Variants in FRMD4B observed in about 807,000 individuals in gnomAD.
The protein encoded by FRMD4B is FERM domain containing 4B.
In FRMD4B, 74 loss-of-function variants were observed where a neutral mutation model predicts 141.5. That is an observed-to-expected ratio of 0.52 (90% CI 0.43 to 0.63). The LOEUF (loss-of-function observed/expected upper bound fraction) is 0.63, where lower values mean the gene tolerates loss of function less well. Ranked by LOEUF, FRMD4B falls within the 30% of genes least tolerant of loss-of-function variation. The probability of loss-of-function intolerance (pLI) is 0.00; values close to 1 mark genes in which losing one functional copy is unlikely to be tolerated. For synonymous variants in FRMD4B, 506 were observed against 467.9 expected (o/e 1.08, Z -1.05); for missense variants, 1,366 against 1,253.4 (o/e 1.09, Z -1.36).
intron 5 of FRMD4B, among the ~76,000 whole-genome samples, chr3:69,287,375 G>A (rs920696645): frequency 6.6e-6 from 1 of 152,206 alleles, no homozygotes; most frequent in Non-Finnish European, 1.5e-5. Flanking sequence ...AAATAATAAG[G>A]CTGGTTTTGA....
intron 3 of FRMD4B, 136 bp from the exon 4 acceptor site, chr3:69,302,571 A>T: frequency 1.6e-6 from 1 of 625,050 alleles, no homozygotes; most frequent in Non-Finnish European, 2.9e-6. Context: ...ACAACTGGTA[A>T]TGAGACCAAC....
At chr3:69,233,911 C>T (rs2093327831) in intron 7 of FRMD4B, among the ~76,000 whole-genome samples, 1 of 152,162 alleles carries the variant, frequency 6.6e-6, no homozygotes, top group South Asian at 2.1e-4. Context: ...TTCTGAACTA[C>T]ACTGAAGAAA....
intron 1 of FRMD4B, among the ~76,000 whole-genome samples, chr3:69,453,852 G>A (rs1175131778): frequency 6.6e-6 from 1 of 152,198 alleles, no homozygotes; most frequent in African/African-American, 2.4e-5. Flanking sequence ...TCAGATGATG[G>A]ATAAAGGATG....
At chr3:69,205,490 T>C (rs548033208) in intron 11 of FRMD4B, among the ~76,000 whole-genome samples, 2 of 152,170 alleles carry the variant, frequency 1.3e-5, no homozygotes, top group Non-Finnish European at 2.9e-5. Flanking sequence ...ATTATAGGCA[T>C]GAGCCACCAT....
chr3:69,246,184 G>A (rs563815779), intron 7 of FRMD4B, among the ~76,000 whole-genome samples: 3 of 152,138 alleles, frequency 2.0e-5, no homozygotes, highest in East Asian at 3.9e-4. Context: ...GGCAGGGTGC[G>A]ATGGCTTGCA....
intron 1 of FRMD4B, among the ~76,000 whole-genome samples, chr3:69,468,852 T>C (rs1402717926): frequency 1.3e-5 from 2 of 152,158 alleles, no homozygotes; most frequent in African/African-American, 2.4e-5. Context: ...ATCTGCTTCA[T>C]TGTGTAAATA....
At chr3:69,527,268 G>A (rs1286042137) in intron 1 of FRMD4B, among the ~76,000 whole-genome samples, 1 of 152,148 alleles carries the variant, frequency 6.6e-6, no homozygotes, top group African/African-American at 2.4e-5. Flanking sequence ...ACATTTGAAC[G>A]TTTTACTCTT....
chr3:69,180,894 C>G lies in FRMD4B; in HGVS notation c.2851+5G>C, dbSNP rs1471479283. The G allele has an allele frequency of 6.4e-7, 1 of 1,569,788 alleles. No individual in the cohort carries two copies. Among genetic ancestry groups the G allele is most frequent in the Non-Finnish European group, 8.7e-7 (1 of 1,148,930 alleles). The stretch of plus-strand genomic sequence containing the variant: ...AGGTGTTGCGTGTTTTTACAGTATT[C>G]TCACCTGAAGAGTACGAGGATGCAC... On this transcript the variant is annotated splice_donor_5th_base_variant and intron_variant, in intron 21 of 22. Coordinates refer to ENST00000398540, the MANE Select transcript of FRMD4B (RefSeq NM_015123.3).
chr3:69,352,797 A>G (rs985651609), intron 1 of FRMD4B, among the ~76,000 whole-genome samples: 1 of 152,182 alleles, frequency 6.6e-6, no homozygotes, highest in South Asian at 2.1e-4. Flanking sequence ...ATCACATAGA[A>G]TCCTCACCAC....
chr3:69,290,444 C>T (rs112585468), intron 4 of FRMD4B, among the ~76,000 whole-genome samples: 40 of 152,252 alleles, frequency 2.6e-4, no homozygotes, highest in African/African-American at 9.4e-4. Flanking sequence ...CAAAGTGAGG[C>T]AGACCAGAGG....
chr3:69,261,158 C>A (rs1209622368), intron 5 of FRMD4B, among the ~76,000 whole-genome samples: 1 of 152,176 alleles, frequency 6.6e-6, no homozygotes, highest in African/African-American at 2.4e-5. Flanking sequence ...CTCTTTGGGT[C>A]CACACCACCT....
chr3:69,219,446 G>A (rs1178629826), intron 9 of FRMD4B, among the ~76,000 whole-genome samples: 1 of 152,124 alleles, frequency 6.6e-6, no homozygotes, highest in African/African-American at 2.4e-5. Flanking sequence ...GAGGTTAAAT[G>A]TGTCAAGGTC....
At chr3:69,323,738 G>C (rs1702094459) in intron 1 of FRMD4B, among the ~76,000 whole-genome samples, 2 of 150,610 alleles carry the variant, frequency 1.3e-5, no homozygotes, top group South Asian at 2.1e-4. Flanking sequence ...TTGAGGCTCA[G>C]AAAAGGTACA....
chr3:69,429,429 AT>A (rs910693228), intron 2 of FRMD4B, among the ~76,000 whole-genome samples: 10 of 152,142 alleles, frequency 6.6e-5, no homozygotes, highest in African/African-American at 2.2e-4. Context: ...TATTTAAAAT[AT>A]TTTTTTGTCC....
intron 3 of FRMD4B, among the ~76,000 whole-genome samples, chr3:69,307,637 CCTA>C (rs531419626): frequency 2.6e-3 from 396 of 152,248 alleles, no homozygotes; most frequent in African/African-American, 9.2e-3. Context: ...CCACACCCGG[CCTA>C]CTATTTCTTT....
intron 1 of FRMD4B, among the ~76,000 whole-genome samples, chr3:69,523,247 C>A (rs1342035317): frequency 6.6e-6 from 1 of 152,064 alleles, no homozygotes; most frequent in African/African-American, 2.4e-5. Context: ...AGAAATTAAT[C>A]CAGCCTCATA....
At chr3:69,250,875 G>T (rs2093460356) in intron 5 of FRMD4B, among the ~76,000 whole-genome samples, 1 of 151,802 alleles carries the variant, frequency 6.6e-6, no homozygotes, top group South Asian at 2.1e-4. Flanking sequence ...ATCACTTGAG[G>T]CCAGGAGTTT....
At chr3:69,283,487 G>A (rs2093653876) in intron 5 of FRMD4B, among the ~76,000 whole-genome samples, 1 of 149,646 alleles carries the variant, frequency 6.7e-6, no homozygotes, top group Non-Finnish European at 1.5e-5. Context: ...ATGAAATGCA[G>A]TAGCATTTAA....
At chr3:69,245,315 CTT>C (rs375584682) in intron 7 of FRMD4B, among the ~76,000 whole-genome samples, 2 of 115,924 alleles carry the variant, frequency 1.7e-5, no homozygotes, top group Non-Finnish European at 1.8e-5. Flanking sequence ...GCCTGACTTT[CTT>C]TGTGTGTGTG....
Sources: allele counts gnomAD v4.1 joint callset (sites outside exome capture counted in the v4.1 genomes callset), GRCh38; gene constraint gnomAD v4.1.1; transcripts MANE v1.5; gene names NCBI Gene and HGNC (gene_info 2026-07-23, HGNC 2026-07-21).